PXDNL: variants seen among roughly 807,000 people sequenced by gnomAD.
The protein encoded by PXDNL is peroxidasin like.
PXDNL carries 145 observed loss-of-function variants against 150.8 expected under a neutral mutation model. That is an observed-to-expected ratio of 0.96 (90% CI 0.84 to 1.10). The LOEUF is 1.10. Ranked by LOEUF, PXDNL falls within the 50% of genes least tolerant of loss-of-function variation. The pLI is 0.00. For synonymous variants in PXDNL, 757 were observed against 725.7 expected (o/e 1.04, Z -0.69); for missense variants, 2,087 against 1,873.9 (o/e 1.11, Z -2.10).
intron 4 of PXDNL, among the ~76,000 whole-genome samples, chr8:51,530,057 G>A (rs1468765018): frequency 6.6e-6 from 1 of 152,192 alleles, no homozygotes; most frequent in Non-Finnish European, 1.5e-5. Context: ...TGGAGTTCTT[G>A]TGGATATAGG....
chr8:51,623,201 G>A (rs764687408), intron 2 of PXDNL, among the ~76,000 whole-genome samples: 11 of 152,156 alleles, frequency 7.2e-5, no homozygotes, highest in Non-Finnish European at 1.6e-4. Flanking sequence ...CTCTGCTGGA[G>A]AAAGCGATTC....
intron 7 of PXDNL, among the ~76,000 whole-genome samples, chr8:51,474,560 G>A (rs566066274): frequency 6.6e-6 from 1 of 152,106 alleles, no homozygotes; most frequent in South Asian, 2.1e-4. Flanking sequence ...ATTTGTTGAG[G>A]GCTTTCTCAG....
intron 1 of PXDNL, among the ~76,000 whole-genome samples, chr8:51,802,096 A>C (rs2037626844): frequency 6.6e-6 from 1 of 151,144 alleles, no homozygotes. Flanking sequence ...GAGGGCTTTT[A>C]GTTCTGATTT....
intron 3 of PXDNL, 61 bp from the exon 4 acceptor site, chr8:51,556,972 T>A: frequency 1.0e-6 from 1 of 984,302 alleles, no homozygotes; most frequent in East Asian, 2.4e-5. Context: ...ATGTCTTAGA[T>A]ACAAACTTTT....
chr8:51,703,463 CTT>C (rs1816298628), intron 1 of PXDNL, among the ~76,000 whole-genome samples: 1 of 152,174 alleles, frequency 6.6e-6, no homozygotes, highest in South Asian at 2.1e-4. Context: ...ACAATCGTAT[CTT>C]TGCCAACAAT....
intron 1 of PXDNL, among the ~76,000 whole-genome samples, chr8:51,744,293 G>GAAGAAAGAAAGAAAGAAAGAGAAAGA (rs139562733): frequency 7.2e-6 from 1 of 139,442 alleles, no homozygotes; most frequent in African/African-American, 2.7e-5. Flanking sequence ...AGGAAAGAAG[G>GAAGAAAGAAAGAAAGAAAGAGAAAGA]AAGAAAGAAA....
chr8:51,392,724 C>T lies in PXDNL; in HGVS notation c.3557+15343G>A, dbSNP rs543060493. Among the ~76,000 whole-genome samples, 9 of 152,226 alleles carry T rather than the reference C, an allele frequency of 5.9e-5. No homozygotes were observed. The East Asian group carries it at 1.7e-3, about 29-fold the overall frequency. On this transcript the variant is annotated intron_variant, in intron 17 of 22. Transcript: ENST00000356297. ...ACTTCCTCTTTTCCTAATTGAATAC[C>T]CTTTATTTCCTTCTCCTGCCTAATT...
At chr8:51,583,235 T>C (rs1813248549) in intron 3 of PXDNL, among the ~76,000 whole-genome samples, 1 of 152,034 alleles carries the variant, frequency 6.6e-6, no homozygotes, top group South Asian at 2.1e-4. Flanking sequence ...GTTCAGCAGG[T>C]TGTATGAGGA....
At chr8:51,517,107 C>T (rs1811557664) in intron 4 of PXDNL, among the ~76,000 whole-genome samples, 1 of 152,090 alleles carries the variant, frequency 6.6e-6, no homozygotes, top group East Asian at 1.9e-4. Flanking sequence ...ACTACGGATG[C>T]TCAGCTCTGA....
intron 5 of PXDNL, among the ~76,000 whole-genome samples, chr8:51,497,287 A>G (rs964106338): frequency 3.9e-5 from 6 of 152,216 alleles, no homozygotes; most frequent in African/African-American, 1.4e-4. Flanking sequence ...AATTCACTCG[A>G]GATGGATTAA....
intron 2 of PXDNL, among the ~76,000 whole-genome samples, chr8:51,650,983 C>T (rs1254162864): frequency 6.6e-6 from 1 of 151,924 alleles, no homozygotes; most frequent in African/African-American, 2.4e-5. Flanking sequence ...TGTGTAATTA[C>T]AAAAATCCAA....
chr8:51,411,184 T>C, intron 16 of PXDNL, 66 bp downstream of exon 16: 1 of 1,276,122 alleles, frequency 7.8e-7, no homozygotes, highest in Non-Finnish European at 1.0e-6. Flanking sequence ...TCAGTGTCCT[T>C]TGCTAAGGTG....
intron 17 of PXDNL, among the ~76,000 whole-genome samples, chr8:51,391,849 T>A (rs970901031): frequency 1.3e-5 from 2 of 152,212 alleles, no homozygotes; most frequent in Non-Finnish European, 2.9e-5. Flanking sequence ...CTAGGTTTTC[T>A]TCTAGGATTT....
At chr8:51,621,507 G>A (rs916013855) in intron 2 of PXDNL, among the ~76,000 whole-genome samples, 3 of 151,442 alleles carry the variant, frequency 2.0e-5, no homozygotes, top group African/African-American at 7.3e-5. Flanking sequence ...GCGTTATATA[G>A]TGCAGCAGAA....
At chr8:51,722,543 T>G (rs1346430023) in intron 1 of PXDNL, among the ~76,000 whole-genome samples, 1 of 152,144 alleles carries the variant, frequency 6.6e-6, no homozygotes, top group Non-Finnish European at 1.5e-5. Flanking sequence ...CAGGGATGAA[T>G]GCAGGGTTTT....
chr8:51,792,422 G>A (rs1054634706), intron 1 of PXDNL, among the ~76,000 whole-genome samples: 5 of 152,198 alleles, frequency 3.3e-5, no homozygotes, highest in Admixed American at 1.3e-4. Context: ...CTATGTGACC[G>A]GGGGATCCTC....
chr8:51,511,874 C>A (rs890808375), intron 4 of PXDNL, among the ~76,000 whole-genome samples: 1 of 152,184 alleles, frequency 6.6e-6, no homozygotes, highest in Non-Finnish European at 1.5e-5. Context: ...AGCCCCCTTC[C>A]CCAGTATACT....
intron 1 of PXDNL, among the ~76,000 whole-genome samples, chr8:51,660,443 T>C (rs4377955): frequency 0.84 from 127,568 of 152,128 alleles, 53,776 homozygotes; most frequent in African/African-American, 0.92. Context: ...GAGTAGATGC[T>C]TGGCTATCAT....
intron 5 of PXDNL, among the ~76,000 whole-genome samples, chr8:51,493,314 A>C (rs1319651591): frequency 7.6e-6 from 1 of 132,386 alleles, no homozygotes; most frequent in South Asian, 2.2e-4. Flanking sequence ...AAAGTAGATA[A>C]AACCACAAAG....
Sources: allele counts gnomAD v4.1 joint callset (sites outside exome capture counted in the v4.1 genomes callset), GRCh38; gene constraint gnomAD v4.1.1; transcripts MANE v1.5; gene names NCBI Gene and HGNC (gene_info 2026-07-23, HGNC 2026-07-21).